DYRK4: variants seen among roughly 807,000 people sequenced by gnomAD.
The protein encoded by DYRK4 is dual specificity tyrosine-phosphorylation-regulated kinase 4.
In DYRK4, 64 loss-of-function variants were observed where a neutral mutation model predicts 68.3. That is an observed-to-expected ratio of 0.94 (90% CI 0.77 to 1.15). The LOEUF (loss-of-function observed/expected upper bound fraction) is 1.15. DYRK4 is among the 50% of genes most tolerant of loss of function. The pLI, the probability that DYRK4 is intolerant of heterozygous loss-of-function variation, is 0.00. For missense variants in DYRK4, 740 were observed against 764.7 expected, an observed-to-expected ratio of 0.97 and a Z score of 0.38; for synonymous variants, 274 against 289.9, an observed-to-expected ratio of 0.95 and a Z score of 0.56.
At chr12:4,578,135 T>C (rs1006111781) in intron 2 of DYRK4, among the ~76,000 whole-genome samples, 4 of 152,232 alleles carry the variant, frequency 2.6e-5, no homozygotes, top group Non-Finnish European at 5.9e-5. Context: ...ATACAGGTAT[T>C]GCCTTCTAAA....
rs1944974867 is a variant in DYRK4 at position 4,593,038 on chromosome 12, A to G, written c.500A>G (p.Tyr167Cys). 1.2e-6 allele frequency: 2 copies of G among 1,614,178 alleles called. No homozygotes were observed. Among genetic ancestry groups the G allele is most frequent in the Non-Finnish European group, 1.7e-6 (2 of 1,180,038 alleles). The change falls in exon 6 of 15, where the codon TAT becomes TGT. Residue 167 changes from tyrosine (Y) to cysteine (C), a missense_variant. Physicochemically the swap from Tyr to Cys is radical, Grantham distance 194. This residue lies in a region of DYRK4 where 614 missense variants were observed against 603.7 expected (regional missense o/e 1.02). Coordinates refer to ENST00000543431, the MANE Select transcript of DYRK4 (RefSeq NM_001394779.1). Reference protein sequence around the residue: ...LKLFKNQLSPYEQSEILGYAE... With the variant: ...LKLFKNQLSPCEQSEILGYAE... ...CTTTTTAAGAACCAGCTGTCTCCAT[A>G]TGAACAAAGTGAAATCCTGGGCTAC...
chr12:4,597,031 G>A (rs1014884601), intron 8 of DYRK4: 7 of 1,195,724 alleles, frequency 5.9e-6, no homozygotes, highest in East Asian at 5.7e-5. Context: ...TAGTCAAAAA[G>A]GACATTTCTT....
chr12:4,603,292 C>A, intron 10 of DYRK4: 1 of 891,928 alleles, frequency 1.1e-6, no homozygotes, highest in Non-Finnish European at 1.8e-6. Flanking sequence ...TCTCTTCCTT[C>A]TCACAAGCCA....
chr12:4,602,385 T>G, intron 10 of DYRK4: 2 of 912,530 alleles, frequency 2.2e-6, no homozygotes, highest in Non-Finnish European at 3.6e-6. Context: ...TTGTAGTTCT[T>G]TCTGTCAAGG....
chr12:4,594,753 T>C (rs1315049503), intron 6 of DYRK4, among the ~76,000 whole-genome samples: 1 of 151,084 alleles, frequency 6.6e-6, no homozygotes, highest in Non-Finnish European at 1.5e-5. Context: ...AAAGGGACAA[T>C]GTGTGTTCTC....
At chr12:4,607,587 T>A (rs1945168248) in intron 12 of DYRK4, among the ~76,000 whole-genome samples, 200 bp downstream of exon 12, 2 of 152,052 alleles carry the variant, frequency 1.3e-5, no homozygotes, top group African/African-American at 2.4e-5. Context: ...GGGAACAGGG[T>A]CTTGACAGTA....
intron 10 of DYRK4, among the ~76,000 whole-genome samples, chr12:4,601,059 G>C (rs545677197): frequency 1.5e-4 from 23 of 152,160 alleles, no homozygotes; most frequent in African/African-American, 4.6e-4. Context: ...TAGAACAAGA[G>C]ATACATGTAG....
At chr12:4,581,944 A>C (rs1226677070) in intron 2 of DYRK4, among the ~76,000 whole-genome samples, 1 of 152,208 alleles carries the variant, frequency 6.6e-6, no homozygotes, top group East Asian at 1.9e-4. Flanking sequence ...TTCTAAACAC[A>C]AAATTCATTT....
intron 2 of DYRK4, among the ~76,000 whole-genome samples, chr12:4,577,850 G>C (rs1018299966): frequency 3.9e-5 from 6 of 152,116 alleles, no homozygotes; most frequent in Non-Finnish European, 7.4e-5. Context: ...TACACATTTT[G>C]TCATATTTAT....
At chr12:4,602,655 C>T (rs1430739205) in intron 10 of DYRK4, 10 of 1,407,620 alleles carry the variant, frequency 7.1e-6, no homozygotes, top group Admixed American at 5.0e-5. Context: ...ATCTGGGTAA[C>T]ACCTGCTGAG....
At position 4,590,388 on chromosome 12, in the gene DYRK4, G is replaced by A. The variant is rs1382946328; in HGVS notation, c.272G>A (p.Ser91Asn). Reference protein sequence around the residue: ...VDTKGKKNTVSFPHISKKVLL... With the variant: ...VDTKGKKNTVNFPHISKKVLL... ...ACCAAGGGGAAGAAGAATACGGTAA[G>A]CTTCCCACACATTAGCAAGAAAGTC... The change falls in exon 4 of 15, where the codon AGC becomes AAC. Residue 91 changes from serine to asparagine, a missense_variant. By Grantham distance (46) the Ser-to-Asn change is conservative. This residue lies in a region of DYRK4 where 56 missense variants were observed against 89.9 expected (regional missense o/e 0.62). Transcript: ENST00000543431. 6.5e-7 allele frequency: 1 copy of A among 1,535,848 alleles called. No homozygotes were observed. The highest frequency in any genetic ancestry group is 2.0e-5 in the Admixed American group (1 of 50,950).
chr12:4,604,428 A>T (rs992297932), intron 10 of DYRK4, among the ~76,000 whole-genome samples: 1 of 152,144 alleles, frequency 6.6e-6, no homozygotes, highest in African/African-American at 2.4e-5. Context: ...CAGTCTGTTC[A>T]TCCTCACCTG....
intron 10 of DYRK4, among the ~76,000 whole-genome samples, chr12:4,604,666 T>C (rs1271903337): frequency 6.6e-6 from 1 of 152,244 alleles, no homozygotes; most frequent in African/African-American, 2.4e-5. Flanking sequence ...TTAGATTCAC[T>C]TTCCTACGAC....
Position 4,613,673 on chromosome 12 carries a change from G to A in DYRK4, c.1825G>A (p.Ala609Thr). ...APKKSEAAVGAEVSMTSPGQS... is the reference protein window; with the variant it reads ...APKKSEAAVGTEVSMTSPGQS... ...CAAGAAGTCAGAGGCAGCTGTCGGG[G>A]CGGAGGTGTCCATGACCTCCCCAGG... Residue 609 changes from alanine to threonine, a missense_variant, in exon 15 of 15, where the codon GCG becomes ACG. By Grantham distance (58) the Ala-to-Thr change is moderately conservative. This residue lies in a region of DYRK4 where 614 missense variants were observed against 603.7 expected (regional missense o/e 1.02). Coordinates refer to ENST00000543431, the MANE Select transcript of DYRK4 (RefSeq NM_001394779.1). This position sits in a 1 kb window ranked among gnomAD's most constrained non-coding sequence, Gnocchi z 4.0. The A allele has an allele frequency of 6.2e-7, 1 of 1,613,190 alleles. No homozygotes were observed. The highest frequency in any genetic ancestry group is 1.7e-5 in the Admixed American group (1 of 60,002).
At chr12:4,578,544 G>A (rs188272111) in intron 2 of DYRK4, among the ~76,000 whole-genome samples, 16 of 152,202 alleles carry the variant, frequency 1.1e-4, no homozygotes, top group East Asian at 9.6e-4. Flanking sequence ...CAAGTTATGC[G>A]TAGTTAATTT....
chr12:4,613,022 T>C lies in DYRK4; in HGVS notation c.1666+304T>C. On this transcript the variant is annotated intron_variant, in intron 14 of 14. Transcript: ENST00000543431. This position sits in a 1 kb window ranked among gnomAD's most constrained non-coding sequence, Gnocchi z 4.0. ...TAGCCTGGATCTTTTTTGCCCCTTATTAGGATTTTCCATTTTTCTCCTATA... is the reference window on the plus strand; with the variant it reads ...TAGCCTGGATCTTTTTTGCCCCTTACTAGGATTTTCCATTTTTCTCCTATA... The C allele has an allele frequency of 2.9e-6, 1 of 341,136 alleles. No homozygotes were observed. The highest frequency in any genetic ancestry group is 5.4e-6 in the Non-Finnish European group (1 of 184,662). 21.1% of individuals were successfully genotyped at this position (341,136 alleles called of 1,614,324 possible).
At chr12:4,606,027 G>T (rs1222809478) in intron 11 of DYRK4, among the ~76,000 whole-genome samples, 1 of 152,178 alleles carries the variant, frequency 6.6e-6, no homozygotes, top group Non-Finnish European at 1.5e-5. Context: ...TGACTTCAAA[G>T]TATGTGTATT....
chr12:4,600,812 C>T (rs1404888548), intron 10 of DYRK4, among the ~76,000 whole-genome samples: 1 of 151,758 alleles, frequency 6.6e-6, no homozygotes, highest in Non-Finnish European at 1.5e-5. Flanking sequence ...ATGAAGGCGT[C>T]ATCACATAGT....
rs551711162 is a variant in DYRK4, at chr12:4,605,214, C to T, written c.1299+128C>T. The T allele has an allele frequency of 3.2e-5, 25 of 774,478 alleles. No individual in the cohort carries two copies. The South Asian group carries it at 5.3e-4, about 16-fold the overall frequency. The allele number at this position is 774,478 out of a possible 1,614,324, so 48.0% of individuals were successfully genotyped here. On this transcript the variant is annotated intron_variant, in intron 11 of 14. Transcript: ENST00000543431. ...TTGTTGTTGTTGTTGTTGAGTATTC[C>T]CTAAAAGGAGTTTTGAAATTGTGTA...
Sources: allele counts gnomAD v4.1 joint callset (sites outside exome capture counted in the v4.1 genomes callset), GRCh38; gene constraint gnomAD v4.1.1; regional missense constraint gnomAD v4.1.1; non-coding constraint Gnocchi (gnomAD v3.1); transcripts MANE v1.5; gene names NCBI Gene and HGNC (gene_info 2026-07-23, HGNC 2026-07-21).